The following STIM2 variants were observed in gnomAD, a reference collection of about 807,000 sequenced individuals.
STIM2 encodes the protein stromal interaction molecule 2.
Under a neutral mutation model 85.8 loss-of-function variants are expected in STIM2, and 31 were observed. The observed-to-expected ratio is 0.36, with a 90% CI of 0.27 to 0.49. The LOEUF is 0.49. Ranked by LOEUF, STIM2 falls within the 20% of genes least tolerant of loss-of-function variation. STIM2 has a pLI of 0.98. For missense variants in STIM2, 841 were observed against 927.6 expected (o/e 0.91, Z 1.21); for synonymous variants, 356 against 331.1 (o/e 1.08, Z -0.82).
intron 4 of STIM2, among the ~76,000 whole-genome samples, chr4:26,998,920 A>AC (rs1440399950): frequency 6.6e-6 from 1 of 151,290 alleles, no homozygotes; most frequent in Non-Finnish European, 1.5e-5. Flanking sequence ...TCAAAAAAAA[A>AC]AATTTTTTTT....
intron 11 of STIM2, chr4:27,020,899 TG>T (rs1312245825): frequency 9.6e-7 from 1 of 1,041,066 alleles, no homozygotes; most frequent in Admixed American, 2.1e-5. Flanking sequence ...CTTTCTGTTC[TG>T]CCTTCAGCTC....
At chr4:27,014,380 CA>C (rs1728663797) in intron 10 of STIM2, among the ~76,000 whole-genome samples, 2 of 151,706 alleles carry the variant, frequency 1.3e-5, no homozygotes, top group African/African-American at 4.8e-5. Context: ...TTATGATCAT[CA>C]AATATTAAAA....
intron 2 of STIM2, among the ~76,000 whole-genome samples, 196 bp from the exon 3 acceptor site, chr4:26,957,416 G>A (rs530357237): frequency 9.9e-5 from 15 of 152,084 alleles, no homozygotes; most frequent in East Asian, 1.9e-4. Flanking sequence ...TGGTGGTGGC[G>A]TTACGATTAG....
intron 3 of STIM2, among the ~76,000 whole-genome samples, chr4:26,980,493 A>G (rs1196612375): frequency 2.0e-5 from 3 of 152,066 alleles, no homozygotes; most frequent in African/African-American, 7.2e-5. Flanking sequence ...AGTTAAAACC[A>G]GTTCGTGCCT....
At chr4:26,881,927 G>T (rs1723029675) in intron 1 of STIM2, among the ~76,000 whole-genome samples, 1 of 152,148 alleles carries the variant, frequency 6.6e-6, no homozygotes, top group South Asian at 2.1e-4. Flanking sequence ...TAAGTTAAAA[G>T]ATATGTATAT....
chr4:26,876,085 G>A (rs1722807287), intron 1 of STIM2, among the ~76,000 whole-genome samples: 1 of 152,074 alleles, frequency 6.6e-6, no homozygotes, highest in African/African-American at 2.4e-5. Flanking sequence ...TTGTTACTTG[G>A]AATTGTTGAT....
chr4:26,879,166 C>A (rs1291972073), intron 1 of STIM2, among the ~76,000 whole-genome samples: 1 of 151,588 alleles, frequency 6.6e-6, no homozygotes, highest in Non-Finnish European at 1.5e-5. Context: ...CAGAAACTTA[C>A]CTATAATTCT....
intron 2 of STIM2, among the ~76,000 whole-genome samples, chr4:26,946,875 A>G (rs1307729160): frequency 6.6e-6 from 1 of 152,180 alleles, no homozygotes; most frequent in Non-Finnish European, 1.5e-5. Context: ...TGGTCATTAA[A>G]TGATTCCAGA....
rs758413160 is a variant in STIM2 at position 26,919,513 on chromosome 4, T to G, written c.161T>G (p.Met54Arg). The change falls in exon 2 of 12, where the codon ATG (methionine) becomes AGG (arginine). Residue 54 changes from methionine to arginine, a missense_variant. Physicochemically the swap from Met to Arg is moderately conservative, Grantham distance 91 (BLOSUM62 -1). Transcript: ENST00000467087. ...CTTTGTTCTCTTTCAGATCCCTGCA[T>G]GTCACTGAGTCCACCATGCTTTACA... is the stretch of plus-strand genomic sequence containing the variant. 1 of 1,613,480 alleles carries G rather than the reference T, an allele frequency of 6.2e-7. No individual in the cohort carries two copies. Among genetic ancestry groups the G allele is most frequent in the South Asian group, 1.1e-5 (1 of 91,058 alleles).
At chr4:26,909,272 C>CT (rs1724243418) in intron 1 of STIM2, among the ~76,000 whole-genome samples, 1 of 152,170 alleles carries the variant, frequency 6.6e-6, no homozygotes, top group Non-Finnish European at 1.5e-5. Context: ...GTGCCATACT[C>CT]TGTTAGGTGT....
chr4:26,974,884 T>C (rs552813594), intron 3 of STIM2, among the ~76,000 whole-genome samples: 1 of 152,344 alleles, frequency 6.6e-6, no homozygotes, highest in African/African-American at 2.4e-5. Context: ...CAATCAAATG[T>C]AGATTTGGTC....
In STIM2 at chr4:27,023,127, A is replaced by C. The variant is rs1475338914; in HGVS notation, c.*131A>C. 5 of 826,674 alleles carry C rather than the reference A, an allele frequency of 6.0e-6. No individual in the cohort carries two copies. The highest frequency in any genetic ancestry group is 5.1e-5 in the African/African-American group (3 of 58,626). The allele number at this position is 826,674 out of a possible 1,614,324, so 51.2% of individuals were successfully genotyped here. On this transcript the variant is annotated 3_prime_UTR_variant, in exon 12 of 12. Transcript: ENST00000467087. ...ATTGGGGCTTTCCAGGCCGGATGCC[A>C]TAGTGGAACATCCAGAAGGGCAACT... is the stretch of plus-strand genomic sequence containing the variant.
At chr4:26,962,990 T>G (rs1726542656) in intron 3 of STIM2, among the ~76,000 whole-genome samples, 1 of 152,158 alleles carries the variant, frequency 6.6e-6, no homozygotes, top group Non-Finnish European at 1.5e-5. Flanking sequence ...ACAAATTGAA[T>G]AGACATTTGG....
At chr4:26,902,197 A>G (rs1037204541) in intron 1 of STIM2, among the ~76,000 whole-genome samples, 6 of 152,188 alleles carry the variant, frequency 3.9e-5, no homozygotes, top group Non-Finnish European at 8.8e-5. Context: ...TTACAGGAAC[A>G]CTTCGGGAGA....
chr4:26,961,990 G>T (rs1183529385), intron 3 of STIM2, among the ~76,000 whole-genome samples: 1 of 152,104 alleles, frequency 6.6e-6, no homozygotes, highest in Non-Finnish European at 1.5e-5. Flanking sequence ...GCCTCAAGCA[G>T]TCCTCCTGTC....
chr4:26,973,006 A>G lies in STIM2; in HGVS notation c.397+15280A>G, dbSNP rs187197750. Among the ~76,000 whole-genome samples, 721 of 152,278 alleles carry G rather than the reference A, an allele frequency of 4.7e-3. 8 individuals carry two copies. Among genetic ancestry groups the G allele is most frequent in the African/African-American group, 0.017 (699 of 41,560 alleles). ...ATCCAGGAATTTATCCATTTCTTCT[A>G]GATTTTCTAGTTTATTTGCGTAGAG... On this transcript the variant is annotated intron_variant, in intron 3 of 11. Coordinates refer to ENST00000467087, the MANE Select transcript of STIM2 (RefSeq NM_020860.4).
chr4:26,981,266 G>A (rs1727379840), intron 3 of STIM2, among the ~76,000 whole-genome samples: 1 of 152,166 alleles, frequency 6.6e-6, no homozygotes, highest in African/African-American at 2.4e-5. Context: ...AGGATTAAAT[G>A]AGTCAACAAG....
intron 2 of STIM2, among the ~76,000 whole-genome samples, chr4:26,928,240 C>A (rs1193104200): frequency 6.6e-6 from 1 of 152,090 alleles, no homozygotes; most frequent in Non-Finnish European, 1.5e-5. Context: ...CCTAACACTG[C>A]CACAATGGCA....
At chr4:26,951,719 T>G (rs1726060330) in intron 2 of STIM2, among the ~76,000 whole-genome samples, 2 of 152,172 alleles carry the variant, frequency 1.3e-5, no homozygotes, top group African/African-American at 2.4e-5. Context: ...TCTGAAATGC[T>G]TACCTCTACT....
Sources: allele counts gnomAD v4.1 joint callset (sites outside exome capture counted in the v4.1 genomes callset), GRCh38; gene constraint gnomAD v4.1.1; transcripts MANE v1.5; gene names NCBI Gene and HGNC (gene_info 2026-07-23, HGNC 2026-07-21).